Variants in INSC observed in about 807,000 individuals in gnomAD.
The protein encoded by INSC is INSC spindle orientation adaptor protein.
Under a neutral mutation model 58.6 loss-of-function variants are expected in INSC, and 67 were observed. That is an observed-to-expected ratio of 1.14 (90% CI 0.94 to 1.40). The LOEUF (loss-of-function observed/expected upper bound fraction) is 1.40, where lower values mean the gene tolerates loss of function less well. INSC is among the 40% of genes most tolerant of loss of function. INSC has a pLI of 0.00. For synonymous variants in INSC, 262 were observed against 276.1 expected (o/e 0.95, Z 0.51); for missense variants, 714 against 692.0 (o/e 1.03, Z -0.36).
At chr11:15,159,402 C>T (rs1200979848) in intron 2 of INSC, among the ~76,000 whole-genome samples, 3 of 152,160 alleles carry the variant, frequency 2.0e-5, no homozygotes, top group Non-Finnish European at 4.4e-5. Context: ...TAAATGTCCA[C>T]TTTGGCAAAT....
chr11:15,202,293 G>A (rs75476113), intron 7 of INSC, among the ~76,000 whole-genome samples: 2,185 of 152,260 alleles, frequency 0.014, 20 homozygotes, highest in Middle Eastern at 0.044. Flanking sequence ...ATTAGGTAGC[G>A]AGGCTCTGAG....
intron 12 of INSC, among the ~76,000 whole-genome samples, chr11:15,242,657 A>ATGTT (rs934132302): frequency 1.3e-5 from 2 of 152,076 alleles, no homozygotes; most frequent in African/African-American, 4.8e-5. Context: ...CTCCCAGCAA[A>ATGTT]TGTTTTCTCT....
chr11:15,211,101 G>A (rs1851009004), intron 7 of INSC, among the ~76,000 whole-genome samples: 1 of 146,888 alleles, frequency 6.8e-6, no homozygotes, highest in African/African-American at 2.5e-5. Context: ...GAGAAGAGCT[G>A]GAAAGACACA....
In INSC at chr11:15,229,960, TTATATATATATATATATA is replaced by T. The variant is rs1239590441; in HGVS notation, c.1170+4134_1170+4151del. On this transcript the variant is annotated intron_variant, in intron 9 of 12. Transcript: ENST00000379556. ...TATATATATAATATTATATATATAT[TTATATATATATATATATA>T]TTATATATATATATATATATATATA... Among the ~76,000 whole-genome samples the T allele has an allele frequency of 2.4e-3, 61 of 25,064 alleles. 2 individuals carry two copies. The highest frequency in any genetic ancestry group is 8.3e-3 in the East Asian group (6 of 722). The allele number at this position is 25,064 out of a possible 152,430, so 16.4% of individuals were successfully genotyped here.
At chr11:15,236,428 T>C (rs1852133776) in intron 10 of INSC, among the ~76,000 whole-genome samples, 2 of 152,174 alleles carry the variant, frequency 1.3e-5, no homozygotes, top group African/African-American at 2.4e-5. Context: ...TCTTATTGGA[T>C]TTGGCCACAG....
chr11:15,173,512 T>C (rs1289312005), intron 2 of INSC, among the ~76,000 whole-genome samples: 1 of 152,158 alleles, frequency 6.6e-6, no homozygotes, highest in East Asian at 1.9e-4. Context: ...TTCTACTTAA[T>C]ATAAAATTAA....
At chr11:15,234,581 G>A (rs1852050135) in intron 9 of INSC, among the ~76,000 whole-genome samples, 1 of 152,272 alleles carries the variant, frequency 6.6e-6, no homozygotes, top group South Asian at 2.1e-4. Flanking sequence ...ATACCATCCT[G>A]CAAGCTTTGA....
rs1850333556 is a variant in INSC at position 15,195,310 on chromosome 11, C to T, written c.693+4496C>T. The stretch of plus-strand genomic sequence containing the variant: ...CTTTTGGAACAATTACCATTTTTCC[C>T]TTTCAAAATGAGTTGCAAACACATG... On this transcript the variant is annotated intron_variant, in intron 6 of 12. Coordinates refer to ENST00000379556, the MANE Select transcript of INSC (RefSeq NM_001042536.3). 2.6e-5 allele frequency among the ~76,000 whole-genome samples: 4 copies of T among 152,154 alleles called. No individual in the cohort carries two copies. The South Asian group carries it at 8.3e-4, about 32-fold the overall frequency.
Position 15,217,073 on chromosome 11 carries a change from TGTAA to T in INSC, c.820-4402_820-4399del, listed in dbSNP as rs746493445. ...GTGTATTAGTCTTTTTTCACATTGCTGTAAGGACATATCCAAGACTGGGTAATTT... is the reference window on the plus strand; with the variant it reads ...GTGTATTAGTCTTTTTTCACATTGCTGGACATATCCAAGACTGGGTAATTT... On this transcript the variant is annotated intron_variant, in intron 7 of 12. Transcript: ENST00000379556. Among the ~76,000 whole-genome samples the T allele has an allele frequency of 4.3e-4, 65 of 152,248 alleles. 1 individual carries two copies. The highest frequency in any genetic ancestry group is 1.0e-4 in the Non-Finnish European group (7 of 68,048).
chr11:15,209,878 T>C (rs1001279429), intron 7 of INSC, among the ~76,000 whole-genome samples: 14 of 152,110 alleles, frequency 9.2e-5, no homozygotes, highest in African/African-American at 3.1e-4. Context: ...CAGACCCTGA[T>C]GAGGGGTGGG....
At chr11:15,252,167 C>T (rs574333505), downstream of INSC, among the ~76,000 whole-genome samples, 1 of 152,172 alleles carries the variant, frequency 6.6e-6, no homozygotes, top group South Asian at 2.1e-4. Flanking sequence ...ACGAGATGTA[C>T]AGAATAGCCA....
At chr11:15,231,945 C>T (rs575785414) in intron 9 of INSC, among the ~76,000 whole-genome samples, 1 of 152,336 alleles carries the variant, frequency 6.6e-6, no homozygotes, top group Admixed American at 6.5e-5. Context: ...CATCGGCCTG[C>T]AGACAAGTGT....
chr11:15,186,287 C>T (rs1849964885), intron 5 of INSC, among the ~76,000 whole-genome samples: 2 of 151,114 alleles, frequency 1.3e-5, no homozygotes, highest in Non-Finnish European at 1.5e-5. Flanking sequence ...CCCCAATGTT[C>T]TCTTTCCCTC....
intron 7 of INSC, among the ~76,000 whole-genome samples, 157 bp downstream of exon 7, chr11:15,201,106 A>C (rs1374487210): frequency 2.6e-5 from 4 of 152,044 alleles, no homozygotes; most frequent in Non-Finnish European, 5.9e-5. Flanking sequence ...GACCTGGACT[A>C]TGGGAGTCAG....
At chr11:15,253,992 C>T in the INSC span, among the ~76,000 whole-genome samples, 2 of 152,222 alleles carry the variant, frequency 1.3e-5, no homozygotes, top group Non-Finnish European at 1.5e-5. Context: ...TTCCTCAGCT[C>T]AGTGGCTCCA....
Position 15,245,751 on chromosome 11 carries a change from A to G in INSC, c.1471-161A>G, listed in dbSNP as rs80246031. 7.4e-3 allele frequency among the ~76,000 whole-genome samples: 1,130 copies of G among 152,356 alleles called. 10 individuals are homozygous for G. Among genetic ancestry groups the G allele is most frequent in the African/African-American group, 0.026 (1,063 of 41,582 alleles). ...GGTTGCTATGTTGACCAGGTGACCA[A>G]GATGGTGACTGAGATGCCAAGTGGC... On this transcript the variant is annotated intron_variant, in intron 12 of 12. Coordinates refer to ENST00000379556, the MANE Select transcript of INSC (RefSeq NM_001042536.3).
At chr11:15,227,648 A>G (rs1792563) in intron 9 of INSC, among the ~76,000 whole-genome samples, 99,419 of 151,900 alleles carry the variant, frequency 0.65, 33,025 homozygotes, top group East Asian at 0.97. Context: ...TAAAGTGGTG[A>G]CCCCCTGGTT....
upstream of INSC, chr11:15,114,886 C>G (rs1208924921): frequency 3.1e-6 from 3 of 967,454 alleles, no homozygotes; most frequent in Non-Finnish European, 3.7e-6. Flanking sequence ...GGGCGGGGGC[C>G]AGGGGCGGCC....
chr11:15,249,009 A>T (rs999166543), downstream of INSC, among the ~76,000 whole-genome samples: 5 of 152,188 alleles, frequency 3.3e-5, no homozygotes, highest in African/African-American at 1.2e-4. Flanking sequence ...AGAAGGGCTT[A>T]TCCGGTGGGA....
Sources: gnomAD v4.1 joint callset for allele counts (sites outside exome capture counted in the v4.1 genomes callset) on GRCh38, gnomAD v4.1.1 for gene constraint, MANE v1.5 for transcripts, NCBI Gene and HGNC (gene_info 2026-07-23, HGNC 2026-07-21) for gene names.